The following TOP6BL variants were observed in gnomAD, a reference collection of about 807,000 sequenced individuals.
The protein encoded by TOP6BL is type 2 DNA topoisomerase 6 subunit B-like.
chr11:66,797,904 A>G, the TOP6BL span, among the ~76,000 whole-genome samples: 5 of 152,226 alleles, frequency 3.3e-5, no homozygotes, highest in African/African-American at 1.2e-4. Flanking sequence ...AAGCATATCT[A>G]TGACATCCCC....
chr11:66,812,333 C>T, the TOP6BL span, among the ~76,000 whole-genome samples: 1 of 152,046 alleles, frequency 6.6e-6, no homozygotes, highest in Non-Finnish European at 1.5e-5. Context: ...CCCGCCACTA[C>T]GCCCGGCTAA....
At chr11:66,795,595 C>A in the TOP6BL span, among the ~76,000 whole-genome samples, 1 of 152,068 alleles carries the variant, frequency 6.6e-6, no homozygotes, top group Non-Finnish European at 1.5e-5. Context: ...AGCTAACACG[C>A]CCAGCCTACA....
the TOP6BL span, among the ~76,000 whole-genome samples, chr11:66,780,656 T>C: frequency 1.3e-5 from 2 of 152,266 alleles, no homozygotes; most frequent in Admixed American, 6.5e-5. Context: ...CTTGGCTCAC[T>C]GCAACCTCTG....
chr11:66,752,972 AC>A, the TOP6BL span, among the ~76,000 whole-genome samples: 2 of 151,926 alleles, frequency 1.3e-5, no homozygotes, highest in African/African-American at 4.8e-5. Context: ...CTACTAAAAT[AC>A]AAAAAATTAG....
At chr11:66,791,098 A>G in the TOP6BL span, among the ~76,000 whole-genome samples, 5 of 152,342 alleles carry the variant, frequency 3.3e-5, no homozygotes, top group African/African-American at 1.2e-4. Flanking sequence ...AGATTTCATC[A>G]TGGATGCCTC....
the TOP6BL span, among the ~76,000 whole-genome samples, chr11:66,784,032 G>A: frequency 3.9e-4 from 59 of 151,642 alleles, no homozygotes; most frequent in African/African-American, 1.4e-3. Context: ...GTTTTGTTTT[G>A]TTTTGTTTTT....
At chr11:66,788,445 T>A in the TOP6BL span, among the ~76,000 whole-genome samples, 4 of 152,230 alleles carry the variant, frequency 2.6e-5, no homozygotes, top group African/African-American at 4.8e-5. Context: ...CCCAAAATAC[T>A]GTCGTCTGTG....
the TOP6BL span, among the ~76,000 whole-genome samples, chr11:66,745,131 C>G: frequency 2.0e-5 from 3 of 152,120 alleles, no homozygotes; most frequent in Non-Finnish European, 4.4e-5. Flanking sequence ...ACGACGCCCT[C>G]TCTCCAGCCT....
chr11:66,813,879 A>C, the TOP6BL span: 1 of 1,613,936 alleles, frequency 6.2e-7, no homozygotes, highest in East Asian at 2.2e-5. Flanking sequence ...TTCTATATGG[A>C]CCTTTGGGTC....
the TOP6BL span, among the ~76,000 whole-genome samples, chr11:66,837,252 G>A: frequency 1.4e-3 from 215 of 151,654 alleles, no homozygotes; most frequent in African/African-American, 5.0e-3. Context: ...TCAGCCTACC[G>A]CATAGCTGGG....
At chr11:66,780,245 T>C in the TOP6BL span, among the ~76,000 whole-genome samples, 1 of 152,182 alleles carries the variant, frequency 6.6e-6, no homozygotes, top group African/African-American at 2.4e-5. Flanking sequence ...CAAATACTTA[T>C]AATTCCCTGC....
the TOP6BL span, among the ~76,000 whole-genome samples, chr11:66,842,040 T>TA: frequency 4.6e-5 from 7 of 151,460 alleles, no homozygotes; most frequent in South Asian, 2.1e-4. Flanking sequence ...TCTCTACAAG[T>TA]AAAAAAAATT....
the TOP6BL span, among the ~76,000 whole-genome samples, chr11:66,807,226 A>C: frequency 1.3e-5 from 2 of 152,236 alleles, no homozygotes; most frequent in East Asian, 3.9e-4. Context: ...CAAACTTGAT[A>C]ATTTAGACCA....
At chr11:66,748,049 A>C in the TOP6BL span, among the ~76,000 whole-genome samples, 1 of 152,218 alleles carries the variant, frequency 6.6e-6, no homozygotes, top group Non-Finnish European at 1.5e-5. Flanking sequence ...GCAGGAAAAA[A>C]GAAACAAGAA....
chr11:66,808,282 C>G, the TOP6BL span, among the ~76,000 whole-genome samples: 1 of 152,198 alleles, frequency 6.6e-6, no homozygotes. Context: ...CACCTATAAT[C>G]TCAGCACTTT....
the TOP6BL span, chr11:66,843,292 C>G: frequency 6.3e-6 from 10 of 1,585,016 alleles, no homozygotes; most frequent in Admixed American, 1.8e-4. Context: ...GCCGTTATCC[C>G]GTGGTTTAAT....
the TOP6BL span, among the ~76,000 whole-genome samples, chr11:66,786,487 A>G: frequency 2.0e-5 from 3 of 152,170 alleles, no homozygotes; most frequent in Non-Finnish European, 2.9e-5. Context: ...ACTGTAGTCA[A>G]CCTATCTGGA....
the TOP6BL span, among the ~76,000 whole-genome samples, chr11:66,814,610 T>G: frequency 4.6e-5 from 7 of 152,086 alleles, no homozygotes; most frequent in Non-Finnish European, 1.0e-4. Context: ...CTCTGCTGCC[T>G]CCTCTATTCC....
the TOP6BL span, chr11:66,801,037 G>A: frequency 6.2e-7 from 1 of 1,613,796 alleles, no homozygotes. Flanking sequence ...GCAGGGTGGA[G>A]AATGAACCCA....
Sources: allele counts gnomAD v4.1 joint callset (sites outside exome capture counted in the v4.1 genomes callset), GRCh38; gene constraint gnomAD v4.1.1; transcripts MANE v1.5; gene names NCBI Gene and HGNC (gene_info 2026-07-23, HGNC 2026-07-21).